Variants in ERBB4 observed in about 807,000 individuals in gnomAD.
The protein encoded by ERBB4 is erb-b2 receptor tyrosine kinase 4.
ERBB4 carries 42 observed loss-of-function variants against 158.0 expected under a neutral mutation model. That is an observed-to-expected ratio of 0.27 (90% CI 0.21 to 0.34). The LOEUF is 0.34. Among genes scored for constraint, ERBB4 ranks in the 10% least tolerant of loss-of-function variants. The probability of loss-of-function intolerance (pLI) is 1.00; values close to 1 mark genes in which losing one functional copy is unlikely to be tolerated. For missense variants in ERBB4, 1,333 were observed against 1,624.1 expected (o/e 0.82, Z 3.08); for synonymous variants, 583 against 558.7 (o/e 1.04, Z -0.61).
At chr2:211,389,670 G>A (rs2062761322) in intron 25 of ERBB4, among the ~76,000 whole-genome samples, 1 of 152,158 alleles carries the variant, frequency 6.6e-6, no homozygotes, top group African/African-American at 2.4e-5. Flanking sequence ...GTGCTACTAT[G>A]CAACAGACAG....
At chr2:211,728,147 T>A (rs984036393) in intron 5 of ERBB4, among the ~76,000 whole-genome samples, 2 of 151,850 alleles carry the variant, frequency 1.3e-5, no homozygotes, top group African/African-American at 4.8e-5. Flanking sequence ...ATCAACTGAC[T>A]CCTTATGAAC....
Position 211,682,085 on chromosome 2 carries a change from C to CAT in ERBB4, c.1490-2902_1490-2901insAT, listed in dbSNP as rs750761370. ...ACACACACACACACACACACACACA[C>CAT]ACACACAATTGGCTCACACAAGCAG... On this transcript the variant is annotated intron_variant, in intron 12 of 27. Coordinates refer to ENST00000342788, the MANE Select transcript of ERBB4 (RefSeq NM_005235.3). 5.3e-3 allele frequency among the ~76,000 whole-genome samples: 790 copies of CAT among 149,828 alleles called. 5 individuals carry two copies. Among genetic ancestry groups the CAT allele is most frequent in the Middle Eastern group, 0.021 (6 of 292 alleles).
At chr2:211,815,531 G>A (rs1422244565) in intron 3 of ERBB4, among the ~76,000 whole-genome samples, 1 of 151,974 alleles carries the variant, frequency 6.6e-6, no homozygotes, top group South Asian at 2.1e-4. Context: ...TTCCCCATAG[G>A]AATTTCAACC....
At chr2:211,888,520 A>G (rs1408579542) in intron 3 of ERBB4, among the ~76,000 whole-genome samples, 3 of 152,134 alleles carry the variant, frequency 2.0e-5, no homozygotes, top group Admixed American at 2.0e-4. Flanking sequence ...ATGCAGGTAA[A>G]TATTCATTTC....
At chr2:212,052,328 G>A (rs2077422959) in intron 2 of ERBB4, among the ~76,000 whole-genome samples, 1 of 152,096 alleles carries the variant, frequency 6.6e-6, no homozygotes, top group African/African-American at 2.4e-5. Context: ...CTGCACTGTT[G>A]GCTTCCCTAC....
chr2:212,303,665 G>A (rs2106215095), intron 1 of ERBB4, among the ~76,000 whole-genome samples: 1 of 151,648 alleles, frequency 6.6e-6, no homozygotes, highest in Non-Finnish European at 1.5e-5. Context: ...CAAAAGTATA[G>A]TTAGTTTTGA....
At chr2:211,978,211 T>C (rs938995276) in intron 2 of ERBB4, among the ~76,000 whole-genome samples, 1 of 151,976 alleles carries the variant, frequency 6.6e-6, no homozygotes, top group African/African-American at 2.4e-5. Flanking sequence ...CTCTGGCAGT[T>C]GGGTAAGTGC....
At chr2:211,490,568 G>A (rs1235695547) in intron 20 of ERBB4, among the ~76,000 whole-genome samples, 1 of 151,988 alleles carries the variant, frequency 6.6e-6, no homozygotes, top group East Asian at 1.9e-4. Flanking sequence ...TAAATCATGA[G>A]CGACCTAGAG....
intron 9 of ERBB4, among the ~76,000 whole-genome samples, chr2:211,709,308 A>AT (rs2073599695): frequency 7.1e-6 from 1 of 140,006 alleles, no homozygotes; most frequent in African/African-American, 3.0e-5. Flanking sequence ...TATATATGAG[A>AT]GAGAGAGAGA....
At chr2:212,123,045 T>C (rs2079805283) in intron 2 of ERBB4, among the ~76,000 whole-genome samples, 1 of 152,230 alleles carries the variant, frequency 6.6e-6, no homozygotes, top group Admixed American at 6.5e-5. Context: ...TTGAGTTTCT[T>C]GTCATATGTT....
chr2:211,701,446 A>G (rs1311664800), intron 12 of ERBB4, among the ~76,000 whole-genome samples: 1 of 152,102 alleles, frequency 6.6e-6, no homozygotes, highest in East Asian at 1.9e-4. Flanking sequence ...CCAAATCTCC[A>G]CAGGAGGGTT....
intron 2 of ERBB4, among the ~76,000 whole-genome samples, chr2:212,008,855 A>C (rs1303319956): frequency 6.6e-6 from 1 of 152,144 alleles, no homozygotes; most frequent in Non-Finnish European, 1.5e-5. Context: ...AAGTCTATTC[A>C]TTCAGTCACA....
intron 20 of ERBB4, among the ~76,000 whole-genome samples, chr2:211,493,780 A>G (rs1439594931): frequency 6.6e-6 from 1 of 152,108 alleles, no homozygotes; most frequent in East Asian, 1.9e-4. Flanking sequence ...AGGTTAATAA[A>G]TCAAAAGTAT....
At chr2:212,264,565 A>G (rs1039561238) in intron 1 of ERBB4, among the ~76,000 whole-genome samples, 1 of 152,102 alleles carries the variant, frequency 6.6e-6, no homozygotes, top group African/African-American at 2.4e-5. Context: ...GGTCAAAATT[A>G]TCAAGATAGG....
At chr2:212,349,912 G>A (rs562735197) in intron 1 of ERBB4, among the ~76,000 whole-genome samples, 35 of 152,070 alleles carry the variant, frequency 2.3e-4, no homozygotes, top group African/African-American at 6.5e-4. Context: ...GATTTGGAAA[G>A]GCAACTCACC....
At chr2:211,698,052 C>T (rs370789525) in intron 12 of ERBB4, among the ~76,000 whole-genome samples, 4 of 152,228 alleles carry the variant, frequency 2.6e-5, no homozygotes, top group African/African-American at 9.6e-5. Flanking sequence ...CATGGTGGCT[C>T]ACACCTGTAA....
chr2:212,224,400 G>A lies in ERBB4; in HGVS notation c.83-99497C>T, dbSNP rs549913158. ...AAATAATGTGGGTGGGATGAAAAAA[G>A]CTATATTATATTTATTTAGGGTGGG... On this transcript the variant is annotated intron_variant, in intron 1 of 27. Transcript: ENST00000342788. Among the ~76,000 whole-genome samples the A allele has an allele frequency of 1.5e-3, 233 of 152,004 alleles. 2 individuals are homozygous for A. Among genetic ancestry groups the A allele is most frequent in the African/African-American group, 5.4e-3 (225 of 41,524 alleles).
intron 2 of ERBB4, among the ~76,000 whole-genome samples, chr2:212,042,035 A>ATT (rs1346973568): frequency 6.6e-6 from 1 of 151,914 alleles, no homozygotes; most frequent in Non-Finnish European, 1.5e-5. Context: ...TCCACGCTCT[A>ATT]TTATCTCCTT....
intron 1 of ERBB4, among the ~76,000 whole-genome samples, chr2:212,533,279 A>G (rs917137595): frequency 3.9e-5 from 6 of 152,238 alleles, no homozygotes; most frequent in African/African-American, 1.4e-4. Flanking sequence ...AATTTAGATT[A>G]CATCTATAAA....
Sources: allele counts gnomAD v4.1 joint callset (sites outside exome capture counted in the v4.1 genomes callset), GRCh38; gene constraint gnomAD v4.1.1; transcripts MANE v1.5; gene names NCBI Gene and HGNC (gene_info 2026-07-23, HGNC 2026-07-21).